Variants in EGFLAM observed in about 807,000 individuals in gnomAD.
EGFLAM encodes EGF like, fibronectin type III and laminin G domains, also known as pikachurin.
A neutral mutation model predicts 113.1 loss-of-function variants in EGFLAM; 79 were observed. That is an observed-to-expected ratio of 0.70 (90% confidence interval 0.58 to 0.84). The LOEUF (loss-of-function observed/expected upper bound fraction) is 0.84. Ranked by LOEUF, EGFLAM falls within the 40% of genes least tolerant of loss-of-function variation. The pLI is 0.00. For synonymous variants in EGFLAM, 504 were observed against 487.6 expected, an observed-to-expected ratio of 1.03 and a Z score of -0.44; for missense variants, 1,265 against 1,291.6, an observed-to-expected ratio of 0.98 and a Z score of 0.32.
chr5:38,377,365 A>G (rs1740394415), intron 6 of EGFLAM, among the ~76,000 whole-genome samples: 1 of 151,656 alleles, frequency 6.6e-6, no homozygotes, highest in Non-Finnish European at 1.5e-5. Flanking sequence ...GGTGGTCTGG[A>G]GCTCCTGACC....
At chr5:38,351,169 C>T (rs1206330018) in intron 4 of EGFLAM, among the ~76,000 whole-genome samples, 1 of 146,658 alleles carries the variant, frequency 6.8e-6, no homozygotes, top group African/African-American at 2.5e-5. Flanking sequence ...AGTGTAGTGG[C>T]GCGACCTTGG....
chr5:38,430,953 C>T (rs2112206560), intron 14 of EGFLAM, among the ~76,000 whole-genome samples: 1 of 152,260 alleles, frequency 6.6e-6, no homozygotes, highest in African/African-American at 2.4e-5. Flanking sequence ...GAGCACTTCC[C>T]CCCTCCTCTT....
Position 38,352,340 on chromosome 5 carries a change from G to GTA in EGFLAM, c.545+11_545+12dup. ...TCTGTGGAATTCATCAGGTAAGTCTGTATGTCACATTCAAAAGCCAAATGT... is the reference window on the plus strand; with the variant it reads ...TCTGTGGAATTCATCAGGTAAGTCTGTATATGTCACATTCAAAAGCCAAATGT... On this transcript the variant is annotated intron_variant, in intron 5 of 21. Transcript: ENST00000322350. 6.2e-7 allele frequency: 1 copy of GTA among 1,613,610 alleles called. No homozygotes were observed.
chr5:38,289,875 C>G (rs1374605143), intron 1 of EGFLAM, among the ~76,000 whole-genome samples: 2 of 152,182 alleles, frequency 1.3e-5, no homozygotes, highest in African/African-American at 4.8e-5. Context: ...AGTCTTTTGG[C>G]AGTTCCCACT....
chr5:38,293,196 C>T (rs1318302031), intron 1 of EGFLAM, among the ~76,000 whole-genome samples: 1 of 152,170 alleles, frequency 6.6e-6, no homozygotes, highest in South Asian at 2.1e-4. Flanking sequence ...GGCAGTATAG[C>T]AGTTGTTTTT....
chr5:38,442,186 CTG>C (rs1742557458), intron 17 of EGFLAM, among the ~76,000 whole-genome samples: 1 of 151,664 alleles, frequency 6.6e-6, no homozygotes, highest in African/African-American at 2.4e-5. Flanking sequence ...TAAGAAAACT[CTG>C]TATATAAAAC....
chr5:38,367,862 G>C (rs1740103989), intron 5 of EGFLAM, among the ~76,000 whole-genome samples: 1 of 152,132 alleles, frequency 6.6e-6, no homozygotes, highest in African/African-American at 2.4e-5. Flanking sequence ...AATGTTAAAG[G>C]TTTTGAACAG....
chr5:38,404,484 T>C (rs947693613), intron 6 of EGFLAM, among the ~76,000 whole-genome samples: 1 of 152,180 alleles, frequency 6.6e-6, no homozygotes, highest in East Asian at 1.9e-4. Context: ...ATGTTTGTGG[T>C]TTACAAGCCA....
At position 38,407,279 on chromosome 5, in the gene EGFLAM, A is replaced by C. The variant is rs187139570; in HGVS notation, c.1147+133A>C. On this transcript the variant is annotated intron_variant, in intron 8 of 21. Transcript: ENST00000322350. ...AAGTACCTTCGTCCACATATTGGTC[A>C]TTAAATTAACTATACAAGGCAAATT... 334 of 1,011,244 alleles carry C rather than the reference A, an allele frequency of 3.3e-4. 2 individuals carry two copies. The African/African-American group carries it at 5.0e-3, about 15-fold the overall frequency. The allele number at this position is 1,011,244 out of a possible 1,614,324, so 62.6% of individuals were successfully genotyped here. A position where few individuals can be genotyped will look rare whatever the true frequency, so the allele number is the denominator to read the frequency against.
Position 38,415,692 on chromosome 5 carries a change from C to T in EGFLAM, c.1495-2374C>T, listed in dbSNP as rs542782530. Among the ~76,000 whole-genome samples the T allele has an allele frequency of 7.9e-5, 12 of 152,088 alleles. No individual in the cohort carries two copies. The East Asian group carries it at 9.6e-4, about 12-fold the overall frequency. On this transcript the variant is annotated intron_variant, in intron 11 of 21. Coordinates refer to ENST00000322350, the MANE Select transcript of EGFLAM (RefSeq NM_152403.4). ...TAGCCAGACCCCATTTGTATTAGTC[C>T]GTTCTCATACTGCTATGAAGAAACA...
At chr5:38,369,244 T>C (rs924222639) in intron 5 of EGFLAM, among the ~76,000 whole-genome samples, 1 of 152,232 alleles carries the variant, frequency 6.6e-6, no homozygotes, top group Admixed American at 6.5e-5. Context: ...TTTAACCCAC[T>C]GTATCCAAAA....
At chr5:38,444,187 T>C (rs190286871) in intron 17 of EGFLAM, among the ~76,000 whole-genome samples, 6 of 152,234 alleles carry the variant, frequency 3.9e-5, no homozygotes, top group Admixed American at 1.3e-4. Context: ...TCTGTGTGTG[T>C]CACCATATGG....
chr5:38,369,721 T>C (rs913864623), intron 5 of EGFLAM, among the ~76,000 whole-genome samples: 1 of 152,152 alleles, frequency 6.6e-6, no homozygotes, highest in Non-Finnish European at 1.5e-5. Context: ...AGATGGGAGC[T>C]CTAAGCAAAG....
chr5:38,295,118 C>T (rs925076250), intron 1 of EGFLAM, among the ~76,000 whole-genome samples: 5 of 152,172 alleles, frequency 3.3e-5, no homozygotes, highest in Non-Finnish European at 5.9e-5. Context: ...TGAGTCACTG[C>T]GCCTGGCCGC....
intron 16 of EGFLAM, among the ~76,000 whole-genome samples, chr5:38,436,130 C>T (rs1054384385): frequency 6.6e-6 from 1 of 152,056 alleles, no homozygotes; most frequent in African/African-American, 2.4e-5. Flanking sequence ...CTCTTTTATT[C>T]CTTCTCTTGG....
intron 4 of EGFLAM, among the ~76,000 whole-genome samples, chr5:38,351,605 G>C (rs959100917): frequency 1.3e-5 from 2 of 152,204 alleles, no homozygotes; most frequent in African/African-American, 4.8e-5. Context: ...GCTGGGAGAT[G>C]TGTGTGTCTG....
chr5:38,421,111 A>G (rs894643804), intron 12 of EGFLAM, among the ~76,000 whole-genome samples: 2 of 152,156 alleles, frequency 1.3e-5, no homozygotes, highest in Non-Finnish European at 2.9e-5. Context: ...TCCATCTGAT[A>G]TCTCTAACTT....
chr5:38,416,678 T>G (rs2112156815), intron 11 of EGFLAM, among the ~76,000 whole-genome samples: 1 of 152,158 alleles, frequency 6.6e-6, no homozygotes, highest in South Asian at 2.1e-4. Flanking sequence ...TGGTCCCAGA[T>G]CATGGAACAA....
Position 38,409,011 on chromosome 5 carries a change from C to A in EGFLAM, c.1256C>A (p.Ala419Glu). The A allele has an allele frequency of 6.3e-7, 1 of 1,588,470 alleles. No individual in the cohort carries two copies. The highest frequency in any genetic ancestry group is 8.6e-7 in the Non-Finnish European group (1 of 1,165,946). ...TTGTTTGTATAATCACAGGCGGAGG[C>A]AGAGGATGGCTTACTGCTCTACTGT... ...FQITLEFRAE[A>E]EDGLLLYCGE... The change falls in exon 10 of 22, where the codon GCA (alanine) becomes GAA (glutamate). Residue 419 changes from alanine to glutamate, a missense_variant. Ala to Glu is a moderately radical substitution (Grantham distance 107). Transcript: ENST00000322350.
Sources: allele counts gnomAD v4.1 joint callset (sites outside exome capture counted in the v4.1 genomes callset), GRCh38; gene constraint gnomAD v4.1.1; transcripts MANE v1.5; gene names NCBI Gene and HGNC (gene_info 2026-07-23, HGNC 2026-07-21).